Variants in ANKRD44 observed in about 807,000 individuals in gnomAD.
The protein encoded by ANKRD44 is serine/threonine-protein phosphatase 6 regulatory ankyrin repeat subunit B.
A neutral mutation model predicts 116.0 loss-of-function variants in ANKRD44; 35 were observed. The observed-to-expected ratio is 0.30, with a 90% CI of 0.23 to 0.40. The LOEUF (loss-of-function observed/expected upper bound fraction) is 0.40, where lower values mean the gene tolerates loss of function less well. ANKRD44 is among the 10% of genes least tolerant of loss of function. The probability of loss-of-function intolerance (pLI) is 1.00; values close to 1 mark genes in which losing one functional copy is unlikely to be tolerated. For synonymous variants in ANKRD44, 435 were observed against 461.8 expected, an observed-to-expected ratio of 0.94 and a Z score of 0.74; for missense variants, 1,014 against 1,242.6, an observed-to-expected ratio of 0.82 and a Z score of 2.77.
chr2:197,267,895 C>A (rs1042538967), intron 1 of ANKRD44, among the ~76,000 whole-genome samples: 2 of 152,186 alleles, frequency 1.3e-5, no homozygotes, highest in Non-Finnish European at 2.9e-5. Flanking sequence ...GAAATCACAA[C>A]TTGGGAACAA....
intron 1 of ANKRD44, among the ~76,000 whole-genome samples, chr2:197,278,058 A>C (rs2083142799): frequency 6.6e-6 from 1 of 152,162 alleles, no homozygotes; most frequent in African/African-American, 2.4e-5. Flanking sequence ...ACCTAATCAG[A>C]GAGCCATCTT....
At chr2:197,223,518 C>A (rs777504820) in intron 1 of ANKRD44, among the ~76,000 whole-genome samples, 6 of 152,200 alleles carry the variant, frequency 3.9e-5, no homozygotes, top group Non-Finnish European at 5.9e-5. Flanking sequence ...TTCCATTGCA[C>A]GCAAAATACT....
chr2:197,078,673 T>C, intron 16 of ANKRD44, 30 bp downstream of exon 16: 1 of 1,608,018 alleles, frequency 6.2e-7, no homozygotes, highest in Non-Finnish European at 8.5e-7. Flanking sequence ...TGTGTGTGTG[T>C]GTTAGAGAAA....
chr2:196,982,717 A>G (rs997048843), downstream of ANKRD44, among the ~76,000 whole-genome samples: 7 of 152,186 alleles, frequency 4.6e-5, no homozygotes, highest in Admixed American at 4.6e-4. Flanking sequence ...AGGCTATTGC[A>G]GTGGCTACCT....
chr2:197,010,585 C>A (rs980708606), intron 18 of ANKRD44, among the ~76,000 whole-genome samples: 2 of 152,098 alleles, frequency 1.3e-5, no homozygotes, highest in Non-Finnish European at 2.9e-5. Flanking sequence ...GGGAAGCAAA[C>A]CTGTGATGAT....
At chr2:197,199,088 T>A (rs1321159908) in intron 1 of ANKRD44, 1 of 152,256 alleles carries the variant, frequency 6.6e-6, no homozygotes, top group East Asian at 1.9e-4. Context: ...GCATCCTACA[T>A]CTGTGCAACC....
At chr2:197,172,251 C>G (rs1168843413) in intron 2 of ANKRD44, among the ~76,000 whole-genome samples, 1 of 152,158 alleles carries the variant, frequency 6.6e-6, no homozygotes, top group Non-Finnish European at 1.5e-5. Flanking sequence ...ATCCACCCAA[C>G]TTGGCCTCCC....
At chr2:197,200,160 T>C (rs1223419650) in intron 1 of ANKRD44, among the ~76,000 whole-genome samples, 1 of 152,194 alleles carries the variant, frequency 6.6e-6, no homozygotes, top group Non-Finnish European at 1.5e-5. Context: ...TCTACAGACC[T>C]CATGCAAATG....
intron 2 of ANKRD44, among the ~76,000 whole-genome samples, chr2:197,152,340 G>C (rs2079674545): frequency 6.6e-6 from 1 of 152,152 alleles, no homozygotes; most frequent in African/African-American, 2.4e-5. Context: ...CACTGAAATG[G>C]CTCATCAGCA....
chr2:197,074,039 A>G (rs1435815813), intron 16 of ANKRD44, among the ~76,000 whole-genome samples: 3 of 152,244 alleles, frequency 2.0e-5, no homozygotes, highest in Non-Finnish European at 4.4e-5. Context: ...TTTTGGATAT[A>G]GATTTACATC....
intron 21 of ANKRD44, among the ~76,000 whole-genome samples, chr2:196,979,254 C>G (rs972129425): frequency 1.3e-5 from 2 of 151,608 alleles, no homozygotes; most frequent in African/African-American, 4.8e-5. Context: ...AAAAAATTAG[C>G]CACCTGTAGT....
chr2:197,047,973 T>C (rs1202196291), intron 16 of ANKRD44, among the ~76,000 whole-genome samples: 1 of 151,800 alleles, frequency 6.6e-6, no homozygotes, highest in Non-Finnish European at 1.5e-5. Context: ...CCTCTGGAAC[T>C]AAAAGTATCT....
At chr2:197,207,843 A>G (rs1383929322) in intron 1 of ANKRD44, among the ~76,000 whole-genome samples, 3 of 152,222 alleles carry the variant, frequency 2.0e-5, no homozygotes, top group Non-Finnish European at 1.5e-5. Context: ...AATGAGGAAG[A>G]CACATACGAG....
chr2:197,182,460 G>A lies in ANKRD44; in HGVS notation c.111+4563C>T, dbSNP rs762317436. ...TCTATTCAACAATTTATCCTCATTG[G>A]GAGAAATGAACTATAAGCTACCAAA... On this transcript the variant is annotated intron_variant, in intron 2 of 27. Transcript: ENST00000282272. Among the ~76,000 whole-genome samples the A allele has an allele frequency of 1.3e-5, 2 of 152,160 alleles. 1 individual carries two copies. The highest frequency in any genetic ancestry group is 2.9e-5 in the Non-Finnish European group (2 of 68,036).
intron 10 of ANKRD44, among the ~76,000 whole-genome samples, chr2:197,090,600 A>G (rs576917882): frequency 2.0e-5 from 3 of 151,882 alleles, no homozygotes; most frequent in Non-Finnish European, 4.4e-5. Context: ...TAGGCAGAAA[A>G]GGGCAGGTTC....
At chr2:196,992,956 T>C (rs1194824271) in intron 27 of ANKRD44, 1 of 152,584 alleles carries the variant, frequency 6.6e-6, no homozygotes, top group Non-Finnish European at 1.5e-5. Context: ...AATGGCAGTT[T>C]AGTACAATTC....
At chr2:197,277,953 A>G (rs1233526738) in intron 1 of ANKRD44, among the ~76,000 whole-genome samples, 1 of 152,220 alleles carries the variant, frequency 6.6e-6, no homozygotes, top group East Asian at 1.9e-4. Context: ...AATTGAGACA[A>G]CAGCAAAATG....
At chr2:197,246,349 G>GTTTTTTT (rs1559181687) in intron 1 of ANKRD44, among the ~76,000 whole-genome samples, 3 of 8,930 alleles carry the variant, frequency 3.4e-4, no homozygotes, top group African/African-American at 9.1e-4. Context: ...ACTACATCTG[G>GTTTTTTT]CTTTTTTTTT....
intron 8 of ANKRD44, among the ~76,000 whole-genome samples, chr2:197,118,677 A>AAGAAAGAAAGAAAGAG (rs1226607769): frequency 2.6e-5 from 4 of 151,952 alleles, no homozygotes; most frequent in African/African-American, 9.7e-5. Flanking sequence ...GAAAGAAAGA[A>AAGAAAGAAAGAAAGAG]AAACCTAAAT....
Sources: allele counts gnomAD v4.1 joint callset (sites outside exome capture counted in the v4.1 genomes callset), GRCh38; gene constraint gnomAD v4.1.1; transcripts MANE v1.5; gene names NCBI Gene and HGNC (gene_info 2026-07-23, HGNC 2026-07-21).